The following ESRRB variants were observed in gnomAD, a reference collection of about 807,000 sequenced individuals.
ESRRB encodes the protein steroid hormone receptor ERR2.
Under a neutral mutation model 46.0 loss-of-function variants are expected in ESRRB, and 16 were observed. The ratio of observed to expected loss-of-function variants is 0.35; its 90% CI spans 0.24 to 0.53. The LOEUF is 0.53. Ranked by LOEUF, ESRRB falls within the 20% of genes least tolerant of loss-of-function variation. ESRRB has a pLI of 0.93. For synonymous variants in ESRRB, 246 were observed against 259.6 expected (o/e 0.95, Z 0.50); for missense variants, 488 against 607.4 (o/e 0.80, Z 2.07).
intron 1 of ESRRB, among the ~76,000 whole-genome samples, chr14:76,348,023 A>G (rs947528387): frequency 2.0e-5 from 3 of 152,144 alleles, no homozygotes; most frequent in African/African-American, 4.8e-5. Context: ...TACCTACCAC[A>G]CTTCCCAATG....
intron 2 of ESRRB, 70 bp from the exon 3 acceptor site, chr14:76,462,475 C>A: frequency 8.5e-7 from 1 of 1,180,582 alleles, no homozygotes; most frequent in Non-Finnish European, 1.3e-6. Flanking sequence ...CCCATCCAGC[C>A]AGCCCTGCGC....
chr14:76,318,813 G>T (rs1166717327), intron 1 of ESRRB, among the ~76,000 whole-genome samples: 1 of 152,164 alleles, frequency 6.6e-6, no homozygotes, highest in Non-Finnish European at 1.5e-5. Context: ...AACTTTCAAA[G>T]TTCCTACATT....
intron 1 of ESRRB, among the ~76,000 whole-genome samples, chr14:76,415,367 A>T (rs1886651892): frequency 6.6e-6 from 1 of 152,158 alleles, no homozygotes; most frequent in Admixed American, 6.5e-5. Context: ...TTTATATCAA[A>T]TAGAGATAGG....
At chr14:76,363,781 C>T (rs1884491359) in intron 1 of ESRRB, among the ~76,000 whole-genome samples, 1 of 152,188 alleles carries the variant, frequency 6.6e-6, no homozygotes, top group African/African-American at 2.4e-5. Context: ...CACAAACGCC[C>T]TTTCTTTAGT....
At chr14:76,336,555 T>C (rs1375508462) in intron 1 of ESRRB, among the ~76,000 whole-genome samples, 1 of 152,206 alleles carries the variant, frequency 6.6e-6, no homozygotes, top group African/African-American at 2.4e-5. Flanking sequence ...TGACACCCTC[T>C]TCATGGCTGG....
intron 1 of ESRRB, among the ~76,000 whole-genome samples, chr14:76,334,163 C>T (rs765596874): frequency 6.6e-5 from 10 of 152,048 alleles, no homozygotes; most frequent in Non-Finnish European, 1.5e-4. Context: ...ACAGTCCAGG[C>T]AGAAACCAGC....
chr14:76,385,499 G>A (rs955692629), intron 1 of ESRRB, among the ~76,000 whole-genome samples: 3 of 152,194 alleles, frequency 2.0e-5, no homozygotes, highest in African/African-American at 7.2e-5. Context: ...GAGAACATTT[G>A]GAATCTGTGT....
At chr14:76,468,136 T>C (rs1046781861) in intron 3 of ESRRB, among the ~76,000 whole-genome samples, 2 of 152,148 alleles carry the variant, frequency 1.3e-5, no homozygotes, top group Non-Finnish European at 2.9e-5. Flanking sequence ...CTGCATGGGA[T>C]TTAATGGCCT....
chr14:76,500,135 G>C lies in ESRRB; in HGVS notation c.*1677G>C. 1.5e-6 allele frequency: 2 copies of C among 1,366,364 alleles called. No homozygotes were observed. Among genetic ancestry groups the C allele is most frequent in the Non-Finnish European group, 2.0e-6 (2 of 995,220 alleles). The allele number at this position is 1,366,364 out of a possible 1,614,324, so 84.6% of individuals were successfully genotyped here. On this transcript the variant is annotated 3_prime_UTR_variant, in exon 7 of 7. Coordinates refer to ENST00000644823, the MANE Select transcript of ESRRB (RefSeq NM_001379180.1). ...CTTGGCTCTACCCCAGGAACCTCCC[G>C]GCCTGGGCTTCTGGGCTGGGACGTG...
chr14:76,328,224 C>A lies in ESRRB; in HGVS notation c.2+17308C>A, dbSNP rs147570902. Among the ~76,000 whole-genome samples the A allele has an allele frequency of 3.3e-5, 5 of 152,340 alleles. No homozygotes were observed. In the East Asian group the frequency reaches 9.6e-4, roughly 29 times the overall value. On this transcript the variant is annotated intron_variant, in intron 1 of 6. Transcript: ENST00000512784. Reference sequence around the variant, plus strand: ...GGACCTCAGCAAGGAGGGTCCTCACCTCCTGGGGTGAACTGCAGAGTTGCT... The same window carrying A: ...GGACCTCAGCAAGGAGGGTCCTCACATCCTGGGGTGAACTGCAGAGTTGCT...
chr14:76,492,459 G>A (rs543925821), intron 6 of ESRRB, among the ~76,000 whole-genome samples: 68 of 152,270 alleles, frequency 4.5e-4, no homozygotes, highest in Non-Finnish European at 7.1e-4. Context: ...GAGCCACCAC[G>A]CTCAGCGTCA....
chr14:76,489,633 T>C (rs1275720556), intron 5 of ESRRB, among the ~76,000 whole-genome samples: 1 of 152,132 alleles, frequency 6.6e-6, no homozygotes, highest in Non-Finnish European at 1.5e-5. Flanking sequence ...AGATCAGTCT[T>C]GGGAACTGTG....
chr14:76,350,857 C>T (rs1449803855), intron 1 of ESRRB, among the ~76,000 whole-genome samples: 1 of 152,182 alleles, frequency 6.6e-6, no homozygotes, highest in Non-Finnish European at 1.5e-5. Context: ...CAGGAATCAA[C>T]AGGCAGTACA....
intron 1 of ESRRB, among the ~76,000 whole-genome samples, chr14:76,377,943 T>A (rs1884846829): frequency 6.7e-6 from 1 of 150,122 alleles, no homozygotes; most frequent in South Asian, 2.2e-4. Context: ...GGGAGAGGAA[T>A]CCTTAATAAT....
chr14:76,389,225 C>T (rs568116479), intron 1 of ESRRB, among the ~76,000 whole-genome samples: 3 of 152,308 alleles, frequency 2.0e-5, no homozygotes, highest in South Asian at 4.1e-4. Context: ...GCTCAGGTAT[C>T]CCCCTCTGTG....
intron 1 of ESRRB, among the ~76,000 whole-genome samples, chr14:76,347,395 G>A (rs1179590924): frequency 6.6e-6 from 1 of 151,070 alleles, no homozygotes; most frequent in Non-Finnish European, 1.5e-5. Context: ...AATAAAATGG[G>A]GACAGTATTT....
chr14:76,346,296 G>C (rs918945689), intron 1 of ESRRB, among the ~76,000 whole-genome samples: 12 of 152,128 alleles, frequency 7.9e-5, no homozygotes, highest in African/African-American at 2.7e-4. Flanking sequence ...GTAATACTTG[G>C]TGGGGAACTG....
At chr14:76,332,838 TA>T (rs1884050006) in intron 1 of ESRRB, among the ~76,000 whole-genome samples, 1 of 23,232 alleles carries the variant, frequency 4.3e-5, no homozygotes, top group Non-Finnish European at 8.2e-5. Context: ...TTATATATTA[TA>T]TATTTATATA....
chr14:76,364,058 A>C (rs1884494531), intron 1 of ESRRB, among the ~76,000 whole-genome samples: 1 of 152,168 alleles, frequency 6.6e-6, no homozygotes, highest in Non-Finnish European at 1.5e-5. Flanking sequence ...GTGTGCAGCA[A>C]CTGCCAGCTT....
Sources: gnomAD v4.1 joint callset for allele counts (sites outside exome capture counted in the v4.1 genomes callset) on GRCh38, gnomAD v4.1.1 for gene constraint, MANE v1.5 for transcripts, NCBI Gene and HGNC (gene_info 2026-07-23, HGNC 2026-07-21) for gene names.